NCKAP5: variants seen among roughly 807,000 people sequenced by gnomAD.
NCKAP5 encodes nck-associated protein 5.
In NCKAP5, 92 loss-of-function variants were observed where a neutral mutation model predicts 167.0. The observed-to-expected ratio is 0.55, with a 90% CI of 0.47 to 0.66. The LOEUF is 0.66. Among genes scored for constraint, NCKAP5 ranks in the 30% least tolerant of loss-of-function variants. The pLI, the probability that NCKAP5 is intolerant of heterozygous loss-of-function variation, is 0.00. For synonymous variants in NCKAP5, 891 were observed against 877.4 expected, an observed-to-expected ratio of 1.02 and a Z score of -0.27; for missense variants, 2,378 against 2,315.0, an observed-to-expected ratio of 1.03 and a Z score of -0.56.
chr2:132,972,929 AAG>A (rs966202697), intron 7 of NCKAP5, among the ~76,000 whole-genome samples: 5 of 152,282 alleles, frequency 3.3e-5, no homozygotes, highest in African/African-American at 1.2e-4. Context: ...TAATTAAATA[AAG>A]AGAGAAATCT....
At chr2:133,179,540 G>A (rs1299942238) in intron 5 of NCKAP5, among the ~76,000 whole-genome samples, 1 of 152,148 alleles carries the variant, frequency 6.6e-6, no homozygotes, top group Non-Finnish European at 1.5e-5. Context: ...ATTATCTGAT[G>A]CAGATTTTAA....
At chr2:133,630,111 A>G in the NCKAP5 span, among the ~76,000 whole-genome samples, 1 of 152,224 alleles carries the variant, frequency 6.6e-6, no homozygotes, top group East Asian at 1.9e-4. Context: ...ACAAACCTGC[A>G]CATCCTGCAC....
At chr2:133,353,368 C>A (rs900952786) in intron 3 of NCKAP5, among the ~76,000 whole-genome samples, 1 of 152,176 alleles carries the variant, frequency 6.6e-6, no homozygotes, top group South Asian at 2.1e-4. Context: ...TCTATCTCTA[C>A]CCTGGACTTC....
At chr2:133,547,393 G>C (rs1686819763) in intron 2 of NCKAP5, among the ~76,000 whole-genome samples, 1 of 152,102 alleles carries the variant, frequency 6.6e-6, no homozygotes. Context: ...AAGGAGGCCT[G>C]CCTGCCTCTG....
At chr2:133,016,635 GT>G (rs1417024064) in intron 6 of NCKAP5, among the ~76,000 whole-genome samples, 1 of 152,116 alleles carries the variant, frequency 6.6e-6, no homozygotes, top group Non-Finnish European at 1.5e-5. Flanking sequence ...ATGAGAGAAG[GT>G]TTTCCAAGTC....
upstream of NCKAP5, among the ~76,000 whole-genome samples, chr2:133,573,122 G>A (rs1688924988): frequency 6.6e-6 from 1 of 152,182 alleles, no homozygotes; most frequent in African/African-American, 2.4e-5. Context: ...CAAACGCATA[G>A]TGGGATAAAG....
intron 6 of NCKAP5, among the ~76,000 whole-genome samples, chr2:133,126,448 G>A (rs1377036085): frequency 6.6e-6 from 1 of 152,204 alleles, no homozygotes; most frequent in African/African-American, 2.4e-5. Context: ...AAGCACCAGA[G>A]TACCGGAGTA....
rs749719269 is a variant in NCKAP5 at position 133,057,788 on chromosome 2, C to T, written c.342-63549G>A. On this transcript the variant is annotated intron_variant, in intron 6 of 19. Transcript: ENST00000409261. ...TATTCAGAAGATGTAGCTCAAATAA[C>T]AGATAAAGATGACTACACTAAACAA... Among the ~76,000 whole-genome samples the T allele has an allele frequency of 4.5e-4, 68 of 152,176 alleles. 2 individuals are homozygous for T. Among genetic ancestry groups the T allele is most frequent in the Non-Finnish European group, 1.3e-4 (9 of 68,022 alleles).
intron 6 of NCKAP5, among the ~76,000 whole-genome samples, chr2:133,055,165 C>T (rs375758076): frequency 7.9e-5 from 12 of 151,806 alleles, no homozygotes; most frequent in East Asian, 3.9e-4. Context: ...AAAATTAGGG[C>T]GTATACTAGT....
chr2:133,008,702 A>T (rs1327851310), intron 6 of NCKAP5, among the ~76,000 whole-genome samples: 4 of 152,206 alleles, frequency 2.6e-5, no homozygotes, highest in African/African-American at 4.8e-5. Flanking sequence ...GGAGTATGAA[A>T]GTCTGTCTAG....
chr2:132,849,220 T>C (rs1364619134), intron 11 of NCKAP5, among the ~76,000 whole-genome samples: 1 of 150,474 alleles, frequency 6.6e-6, no homozygotes, highest in Non-Finnish European at 1.5e-5. Context: ...ACTCAAAGGA[T>C]TCTGTGATCC....
At chr2:132,748,127 T>C (rs1679803274) in intron 16 of NCKAP5, among the ~76,000 whole-genome samples, 1 of 152,196 alleles carries the variant, frequency 6.6e-6, no homozygotes, top group African/African-American at 2.4e-5. Flanking sequence ...CTGCTATGTA[T>C]CAGTTTTATC....
At chr2:133,600,256 C>T in the NCKAP5 span, among the ~76,000 whole-genome samples, 1 of 152,192 alleles carries the variant, frequency 6.6e-6, no homozygotes, top group Admixed American at 6.5e-5. Context: ...GAATCTTCAG[C>T]TGAAATGCAT....
chr2:132,840,083 T>C (rs950628057), intron 11 of NCKAP5, among the ~76,000 whole-genome samples: 3 of 152,186 alleles, frequency 2.0e-5, no homozygotes, highest in Admixed American at 6.5e-5. Flanking sequence ...TGGTTTCTTA[T>C]AATGTCTTGA....
rs188271478 is a variant in NCKAP5 at position 132,920,789 on chromosome 2, A to G, written c.580-41873T>C. Among the ~76,000 whole-genome samples the G allele has an allele frequency of 5.6e-3, 395 of 70,478 alleles. 51 individuals carry two copies. Among genetic ancestry groups the G allele is most frequent in the African/African-American group, 0.03 (328 of 10,826 alleles). The allele number at this position is 70,478 out of a possible 152,430, so 46.2% of individuals were successfully genotyped here. A position where few individuals can be genotyped will look rare whatever the true frequency, so the allele number is the denominator to read the frequency against. On this transcript the variant is annotated intron_variant, in intron 8 of 19. Coordinates refer to ENST00000409261, the MANE Select transcript of NCKAP5 (RefSeq NM_207363.3). ...TATGTATGTATATATATATATATATATATATATATATATATATATATATAT... is the reference window on the plus strand; with the variant it reads ...TATGTATGTATATATATATATATATGTATATATATATATATATATATATAT...
chr2:133,221,437 A>G (rs1047872255), intron 4 of NCKAP5, among the ~76,000 whole-genome samples: 1 of 152,238 alleles, frequency 6.6e-6, no homozygotes, highest in African/African-American at 2.4e-5. Context: ...AAACTATATA[A>G]TCCAACAATA....
chr2:133,206,014 T>C (rs2085935501), intron 5 of NCKAP5, among the ~76,000 whole-genome samples: 1 of 152,322 alleles, frequency 6.6e-6, no homozygotes, highest in South Asian at 2.1e-4. Context: ...ATCTAAACTA[T>C]GCTTTTTGCC....
chr2:133,412,441 G>A (rs1014629615), intron 3 of NCKAP5, among the ~76,000 whole-genome samples: 21 of 152,188 alleles, frequency 1.4e-4, no homozygotes, highest in Non-Finnish European at 2.4e-4. Context: ...GTGTGGGTGC[G>A]AGGCTCTGCC....
At chr2:133,179,918 G>T (rs867310206) in intron 5 of NCKAP5, among the ~76,000 whole-genome samples, 6 of 151,592 alleles carry the variant, frequency 4.0e-5, no homozygotes, top group African/African-American at 1.5e-4. Flanking sequence ...GACTGAAAAA[G>T]AATTCAAAGA....
Sources: allele counts gnomAD v4.1 joint callset (sites outside exome capture counted in the v4.1 genomes callset), GRCh38; gene constraint gnomAD v4.1.1; transcripts MANE v1.5; gene names NCBI Gene and HGNC (gene_info 2026-07-23, HGNC 2026-07-21).